Variants in RARB observed in about 807,000 individuals in gnomAD.
RARB encodes the protein retinoic acid receptor beta.
A neutral mutation model predicts 51.9 loss-of-function variants in RARB; 17 were observed. The observed-to-expected ratio is 0.33, with a 90% CI of 0.22 to 0.49. The LOEUF is 0.49. Among genes scored for constraint, RARB ranks in the 20% least tolerant of loss-of-function variants. The probability of loss-of-function intolerance (pLI) is 0.99; values close to 1 mark genes in which losing one functional copy is unlikely to be tolerated. For synonymous variants in RARB, 215 were observed against 195.4 expected (o/e 1.10, Z -0.84); for missense variants, 369 against 550.8 (o/e 0.67, Z 3.30).
intron 3 of RARB, among the ~76,000 whole-genome samples, chr3:25,513,008 G>A (rs1373320199): frequency 6.6e-6 from 1 of 151,936 alleles, no homozygotes; most frequent in Non-Finnish European, 1.5e-5. Flanking sequence ...CAAAGGGTAC[G>A]GCTGGGTGCG....
At chr3:25,431,943 C>T (rs1708226141) in intron 1 of RARB, among the ~76,000 whole-genome samples, 1 of 151,920 alleles carries the variant, frequency 6.6e-6, no homozygotes. Context: ...TCAAAGATAC[C>T]CTCTGAAAGA....
At chr3:25,332,491 ACT>A (rs1481649410) in intron 5 of RARB, among the ~76,000 whole-genome samples, 5 of 152,058 alleles carry the variant, frequency 3.3e-5, no homozygotes. Context: ...CATGCTAAAA[ACT>A]CTCAATAAAC....
chr3:25,002,316 C>T lies in RARB; in HGVS notation c.-379-57809C>T, dbSNP rs551436526. On this transcript the variant is annotated intron_variant, in intron 2 of 11. Transcript: ENST00000383772. ...ATCGTTTACATCTCACTGTGAAACA[C>T]AGAACCCTGTAGATATTTATTCTTT... 5.9e-5 allele frequency among the ~76,000 whole-genome samples: 9 copies of T among 152,252 alleles called. No homozygotes were observed. In the Middle Eastern group the frequency reaches 0.01, roughly 173 times the overall value.
intron 5 of RARB, among the ~76,000 whole-genome samples, chr3:25,277,422 T>G (rs994535978): frequency 1.3e-5 from 2 of 152,148 alleles, no homozygotes; most frequent in Non-Finnish European, 2.9e-5. Flanking sequence ...AAGACACAAG[T>G]GAAATCGCCT....
upstream of RARB, among the ~76,000 whole-genome samples, chr3:25,425,587 A>G (rs1707966708): frequency 6.6e-6 from 1 of 152,212 alleles, no homozygotes; most frequent in Non-Finnish European, 1.5e-5. Flanking sequence ...TCAAGGCCCA[A>G]GTTCATTTCT....
chr3:24,982,262 C>G (rs1016695559), intron 2 of RARB, among the ~76,000 whole-genome samples: 2 of 152,190 alleles, frequency 1.3e-5, no homozygotes, highest in Non-Finnish European at 2.9e-5. Context: ...GGCTGCAACT[C>G]TGAACCAGGT....
intron 5 of RARB, among the ~76,000 whole-genome samples, chr3:25,407,226 C>T (rs950961588): frequency 2.0e-5 from 3 of 152,196 alleles, no homozygotes; most frequent in Non-Finnish European, 2.9e-5. Context: ...CTGATAGCTT[C>T]TGTAGACGTC....
In RARB at chr3:25,002,304, C is replaced by G. The variant is rs575765303; in HGVS notation, c.-379-57821C>G. ...GAGATAGACAAGATCGTTTACATCT[C>G]ACTGTGAAACACAGAACCCTGTAGA... On this transcript the variant is annotated intron_variant, in intron 2 of 11. Coordinates refer to the RARB transcript ENST00000383772. 1.1e-4 allele frequency among the ~76,000 whole-genome samples: 16 copies of G among 152,294 alleles called. No homozygotes were observed. The South Asian group carries it at 2.3e-3, about 22-fold the overall frequency.
At chr3:25,388,422 T>C (rs1366800017) in intron 5 of RARB, among the ~76,000 whole-genome samples, 1 of 152,246 alleles carries the variant, frequency 6.6e-6, no homozygotes, top group Non-Finnish European at 1.5e-5. Flanking sequence ...ATGTCTTCTT[T>C]AATATCAGAG....
rs763967092 is a variant in RARB, at chr3:25,070,027, G to A, written c.-328+9851G>A. ...AGTCTGGAATCAAGGTATCAGGCAA[G>A]GCCATGCTCTCTCTGAAACCAGTGG... On this transcript the variant is annotated intron_variant, in intron 3 of 11. Transcript: ENST00000383772. 2.0e-5 allele frequency among the ~76,000 whole-genome samples: 3 copies of A among 152,152 alleles called. No individual in the cohort carries two copies. The East Asian group carries it at 5.8e-4, about 29-fold the overall frequency.
intron 1 of RARB, among the ~76,000 whole-genome samples, 156 bp downstream of exon 1, chr3:25,429,044 C>A (rs897860198): frequency 3.3e-5 from 5 of 152,100 alleles, no homozygotes; most frequent in Non-Finnish European, 7.4e-5. Flanking sequence ...CATATTGATT[C>A]CCTTTGCTGA....
chr3:25,153,518 G>A (rs1484589085), intron 4 of RARB, among the ~76,000 whole-genome samples: 1 of 152,090 alleles, frequency 6.6e-6, no homozygotes, highest in Non-Finnish European at 1.5e-5. Context: ...ATGAGGTTAG[G>A]GTTGGAAAGT....
intron 5 of RARB, among the ~76,000 whole-genome samples, chr3:25,198,143 C>T (rs1687428250): frequency 6.6e-6 from 1 of 152,088 alleles, no homozygotes; most frequent in African/African-American, 2.4e-5. Flanking sequence ...AAATCATATT[C>T]AGCAAAGCTG....
intron 2 of RARB, among the ~76,000 whole-genome samples, chr3:24,956,140 T>C (rs1219740593): frequency 6.6e-6 from 1 of 152,130 alleles, no homozygotes. Flanking sequence ...AGCCTTTCCA[T>C]TTTCAAAGTA....
chr3:25,573,119 C>T (rs537442252), intron 4 of RARB, among the ~76,000 whole-genome samples: 6 of 152,254 alleles, frequency 3.9e-5, no homozygotes, highest in Admixed American at 3.9e-4. Flanking sequence ...AAACCACGTC[C>T]CAGAGTTTCC....
intron 5 of RARB, among the ~76,000 whole-genome samples, chr3:25,179,029 G>A (rs7640571): frequency 0.45 from 68,463 of 151,938 alleles, 16,354 homozygotes; most frequent in East Asian, 0.7. Context: ...CTTAAAATGC[G>A]AATTCTTTTC....
intron 2 of RARB, among the ~76,000 whole-genome samples, chr3:24,988,584 T>C (rs34079268): frequency 0.19 from 29,619 of 152,118 alleles, 3,556 homozygotes; most frequent in East Asian, 0.3. Flanking sequence ...AGGTAAAGTA[T>C]AGATTATAAA....
At chr3:25,216,448 AGCTGGAC>A (rs1302924826) in intron 5 of RARB, among the ~76,000 whole-genome samples, 1 of 152,178 alleles carries the variant, frequency 6.6e-6, no homozygotes, top group African/African-American at 2.4e-5. Flanking sequence ...ACATGGATGA[AGCTGGAC>A]GCTATCATCC....
chr3:25,469,768 A>G (rs1207963397), intron 2 of RARB, among the ~76,000 whole-genome samples: 1 of 152,246 alleles, frequency 6.6e-6, no homozygotes, highest in East Asian at 1.9e-4. Context: ...ACAGAGAACC[A>G]GGCCTGTCCA....
Sources: allele counts gnomAD v4.1 joint callset (sites outside exome capture counted in the v4.1 genomes callset), GRCh38; gene constraint gnomAD v4.1.1; transcripts MANE v1.5; gene names NCBI Gene and HGNC (gene_info 2026-07-23, HGNC 2026-07-21).